The following DENND1B variants were observed in gnomAD, a reference collection of about 807,000 sequenced individuals.
DENND1B encodes DENN domain containing 1B.
A neutral mutation model predicts 90.1 loss-of-function variants in DENND1B; 59 were observed. That is an observed-to-expected ratio of 0.65 (90% CI 0.53 to 0.81). The LOEUF is 0.81. Ranked by LOEUF, DENND1B falls within the 40% of genes least tolerant of loss-of-function variation. The pLI, the probability that DENND1B is intolerant of heterozygous loss-of-function variation, is 0.00. For synonymous variants in DENND1B, 337 were observed against 324.6 expected, an observed-to-expected ratio of 1.04 and a Z score of -0.41; for missense variants, 862 against 912.6, an observed-to-expected ratio of 0.94 and a Z score of 0.71.
chr1:197,659,958 C>T (rs1654242117), intron 5 of DENND1B, among the ~76,000 whole-genome samples: 1 of 151,586 alleles, frequency 6.6e-6, no homozygotes, highest in South Asian at 2.1e-4. Context: ...ATAAAAGGAA[C>T]TACAAGTAAA....
In DENND1B at chr1:197,772,915, G is replaced by T. The variant is rs1169296291; in HGVS notation, c.35C>A (p.Thr12Asn). The T allele has an allele frequency of 2.6e-6, 4 of 1,551,858 alleles. No individual in the cohort carries two copies. The highest frequency in any genetic ancestry group is 3.5e-6 in the Non-Finnish European group (4 of 1,146,970). ...TTTCACTTTCAACACCAAGTCAAAG[G>T]TTCTGTCTGGATTTGCCCTAAAAGG... ...DCRTKANPDR[T>N]FDLVLKVKCH... The change falls in exon 2 of 23, where the codon ACC becomes AAC. Residue 12 changes from threonine to asparagine, a missense_variant. Thr to Asn is a moderately conservative substitution (Grantham distance 65). Transcript: ENST00000620048.
intron 10 of DENND1B, among the ~76,000 whole-genome samples, chr1:197,621,130 G>C (rs1678118621): frequency 1.3e-5 from 2 of 151,280 alleles, no homozygotes; most frequent in Non-Finnish European, 3.0e-5. Flanking sequence ...AGAATGGCAG[G>C]AGATGAGGTC....
upstream of DENND1B, among the ~76,000 whole-genome samples, chr1:197,780,482 C>T (rs546946466): frequency 1.3e-5 from 2 of 152,070 alleles, no homozygotes; most frequent in South Asian, 4.2e-4. Flanking sequence ...CCTGCCATCA[C>T]GCCTAGCTAA....
intron 20 of DENND1B, among the ~76,000 whole-genome samples, chr1:197,523,275 G>C (rs1370823510): frequency 1.3e-5 from 2 of 152,074 alleles, no homozygotes; most frequent in Non-Finnish European, 2.9e-5. Context: ...GGAAGAATAA[G>C]AAGCCTTCTT....
chr1:197,732,594 T>C (rs1274957838), intron 2 of DENND1B, among the ~76,000 whole-genome samples: 1 of 152,164 alleles, frequency 6.6e-6, no homozygotes, highest in Non-Finnish European at 1.5e-5. Context: ...TAATACAATA[T>C]AAGCTGCTGC....
At chr1:197,707,970 C>T (rs904335805) in intron 3 of DENND1B, among the ~76,000 whole-genome samples, 9 of 152,148 alleles carry the variant, frequency 5.9e-5, no homozygotes, top group Admixed American at 4.6e-4. Flanking sequence ...GGGTGACGGC[C>T]GCACCCGGAA....
chr1:197,757,709 A>T (rs1654491381), intron 2 of DENND1B, among the ~76,000 whole-genome samples: 1 of 152,190 alleles, frequency 6.6e-6, no homozygotes, highest in Admixed American at 6.5e-5. Context: ...TAAATTCAGC[A>T]TTCACTCAAG....
At chr1:197,731,089 G>A (rs1421666736) in intron 2 of DENND1B, among the ~76,000 whole-genome samples, 1 of 152,074 alleles carries the variant, frequency 6.6e-6, no homozygotes, top group African/African-American at 2.4e-5. Flanking sequence ...AGGAATAGCA[G>A]ACACTACTTT....
intron 2 of DENND1B, among the ~76,000 whole-genome samples, chr1:197,731,446 T>C (rs1662134433): frequency 6.6e-6 from 1 of 152,144 alleles, no homozygotes; most frequent in Non-Finnish European, 1.5e-5. Context: ...AGTAAAACAA[T>C]AAAAGAGTTG....
At chr1:197,568,123 C>A (rs1348000223) in intron 15 of DENND1B, among the ~76,000 whole-genome samples, 2 of 151,434 alleles carry the variant, frequency 1.3e-5, no homozygotes, top group Admixed American at 6.6e-5. Flanking sequence ...AAGACTTGAG[C>A]AAAAAAACTG....
chr1:197,538,349 T>A (rs966770822), intron 20 of DENND1B, among the ~76,000 whole-genome samples: 1 of 152,126 alleles, frequency 6.6e-6, no homozygotes, highest in Non-Finnish European at 1.5e-5. Context: ...CATTATTAGT[T>A]CACACATTAA....
intron 10 of DENND1B, among the ~76,000 whole-genome samples, chr1:197,631,687 TATA>T (rs1171943560): frequency 5.3e-5 from 8 of 151,754 alleles, no homozygotes; most frequent in Non-Finnish European, 1.0e-4. Context: ...AGTTAACAAA[TATA>T]ATAATTTGTA....
At chr1:197,520,281 C>T (rs956765273) in intron 20 of DENND1B, among the ~76,000 whole-genome samples, 2 of 151,822 alleles carry the variant, frequency 1.3e-5, no homozygotes, top group Non-Finnish European at 2.9e-5. Context: ...AAAGATGTTC[C>T]CTTTTCTCAA....
chr1:197,571,519 T>C (rs1673151145), intron 15 of DENND1B, among the ~76,000 whole-genome samples: 1 of 152,250 alleles, frequency 6.6e-6, no homozygotes, highest in African/African-American at 2.4e-5. Context: ...GTAGCTTAAA[T>C]ATCACCTTTT....
rs1311410569 is a variant in DENND1B, at chr1:197,770,705, A to AATATATAAAT, written c.82+2153_82+2162dup. ...ACATATCTATAAATATATATCTATA[A>AATATATAAAT]ATATATAAATATATATCTATAAATA... On this transcript the variant is annotated intron_variant, in intron 2 of 22. Transcript: ENST00000620048. Among the ~76,000 whole-genome samples the AATATATAAAT allele has an allele frequency of 4.4e-3, 614 of 140,052 alleles. 7 individuals carry two copies. The highest frequency in any genetic ancestry group is 0.015 in the African/African-American group (569 of 37,072). 91.9% of individuals were successfully genotyped at this position (140,052 alleles called of 152,430 possible).
chr1:197,727,571 A>G (rs2102301846), intron 2 of DENND1B, among the ~76,000 whole-genome samples: 1 of 152,096 alleles, frequency 6.6e-6, no homozygotes, highest in African/African-American at 2.4e-5. Context: ...AAAACATATA[A>G]TTATCAAGTT....
intron 10 of DENND1B, among the ~76,000 whole-genome samples, chr1:197,638,800 A>G (rs1434586880): frequency 2.6e-5 from 4 of 152,190 alleles, no homozygotes; most frequent in Admixed American, 2.6e-4. Context: ...GTTCTTGTTC[A>G]GGATTACCAG....
At chr1:197,591,756 A>G (rs945946310) in intron 14 of DENND1B, among the ~76,000 whole-genome samples, 1 of 152,170 alleles carries the variant, frequency 6.6e-6, no homozygotes, top group Non-Finnish European at 1.5e-5. Context: ...ATTAGTGAAT[A>G]CTGAATGCCT....
chr1:197,739,936 TAA>T, intron 2 of DENND1B, among the ~76,000 whole-genome samples: 1 of 152,242 alleles, frequency 6.6e-6, no homozygotes, highest in Non-Finnish European at 1.5e-5. Context: ...TGTAATGTGC[TAA>T]GATATTCTTA....
Sources: allele counts gnomAD v4.1 joint callset (sites outside exome capture counted in the v4.1 genomes callset), GRCh38; gene constraint gnomAD v4.1.1; transcripts MANE v1.5; gene names NCBI Gene and HGNC (gene_info 2026-07-23, HGNC 2026-07-21).